CELSR1: variants seen among roughly 807,000 people sequenced by gnomAD.
The protein encoded by CELSR1 is adhesion G protein-coupled receptor C1.
Under a neutral mutation model 249.1 loss-of-function variants are expected in CELSR1, and 110 were observed. The ratio of observed to expected loss-of-function variants is 0.44; its 90% CI spans 0.38 to 0.52. The LOEUF (loss-of-function observed/expected upper bound fraction) is 0.52. CELSR1 is among the 20% of genes least tolerant of loss of function. The probability of loss-of-function intolerance (pLI) is 0.00; values close to 1 mark genes in which losing one functional copy is unlikely to be tolerated. For synonymous variants in CELSR1, 2,113 were observed against 1,900.0 expected (o/e 1.11, Z -2.92); for missense variants, 4,109 against 4,296.4 (o/e 0.96, Z 1.22).
At chr22:46,493,745 T>C (rs868524546) in intron 1 of CELSR1, among the ~76,000 whole-genome samples, 1 of 152,018 alleles carries the variant, frequency 6.6e-6, no homozygotes, top group Non-Finnish European at 1.5e-5. Flanking sequence ...GATCTGACGT[T>C]TTTATAGAGG....
chr22:46,460,412 A>AT (rs1257893024), intron 2 of CELSR1, among the ~76,000 whole-genome samples: 1 of 152,118 alleles, frequency 6.6e-6, no homozygotes, highest in African/African-American at 2.4e-5. Flanking sequence ...GCGGAAGCAG[A>AT]TTTTGAGGGA....
chr22:46,438,648 G>A (rs1036848329), intron 3 of CELSR1, among the ~76,000 whole-genome samples: 3 of 152,188 alleles, frequency 2.0e-5, no homozygotes, highest in Non-Finnish European at 4.4e-5. Flanking sequence ...TTAATTAAAC[G>A]TTATTGGAGG....
intron 1 of CELSR1, among the ~76,000 whole-genome samples, chr22:46,511,406 C>T (rs1020972488): frequency 6.6e-6 from 1 of 152,206 alleles, no homozygotes; most frequent in Non-Finnish European, 1.5e-5. Context: ...AAATCCCAAC[C>T]GGGACCAACA....
Position 46,431,776 on chromosome 22 carries a change from C to T in CELSR1, c.4611+1617G>A, listed in dbSNP as rs547432750. The stretch of plus-strand genomic sequence containing the variant: ...GACGGCACCGTATCAAGAAAAGACT[C>T]GGTCTTTGAAATGGACAATGGCAGC... On this transcript the variant is annotated intron_variant, in intron 5 of 34. Coordinates refer to ENST00000674500, the MANE Select transcript of CELSR1 (RefSeq NM_001378328.1). Among the ~76,000 whole-genome samples, 8 of 152,332 alleles carry T rather than the reference C, an allele frequency of 5.3e-5. No homozygotes were observed. The South Asian group carries it at 1.4e-3, about 28-fold the overall frequency.
chr22:46,462,591 G>C (rs1409402441), intron 2 of CELSR1, among the ~76,000 whole-genome samples: 2 of 150,648 alleles, frequency 1.3e-5, no homozygotes, highest in Non-Finnish European at 2.9e-5. Flanking sequence ...CGATGGAAGA[G>C]TCTCAAAGTT....
rs147149601 is a variant in CELSR1 at position 46,445,808 on chromosome 22, C to T, written c.4184-6397G>A. On this transcript the variant is annotated intron_variant, in intron 2 of 34. Transcript: ENST00000674500. The surrounding 1 kb of genome is among the most constrained non-coding windows in gnomAD (Gnocchi z 4.4). ...GGAGGTGGAAGCGTCCAGGACTCCC[C>T]GGGTGCTGTTCTCCCTGCTTGCAGG... is the stretch of plus-strand genomic sequence containing the variant. 7.4e-4 allele frequency among the ~76,000 whole-genome samples: 112 copies of T among 152,318 alleles called. 1 individual carries two copies. Among genetic ancestry groups the T allele is most frequent in the African/African-American group, 2.6e-3 (108 of 41,590 alleles).
rs1290478536 is a variant in CELSR1, at chr22:46,447,295, T to C, written c.4184-7884A>G. Among the ~76,000 whole-genome samples, 1 of 152,202 alleles carries C rather than the reference T, an allele frequency of 6.6e-6. No homozygotes were observed. The highest frequency in any genetic ancestry group is 1.9e-4 in the East Asian group (1 of 5,186). On this transcript the variant is annotated intron_variant, in intron 2 of 34. Coordinates refer to ENST00000674500, the MANE Select transcript of CELSR1 (RefSeq NM_001378328.1). The surrounding 1 kb of genome is among the most constrained non-coding windows in gnomAD (Gnocchi z 4.7). The stretch of plus-strand genomic sequence containing the variant: ...CTTTTATTTTCTAATAGAGCTTTTA[T>C]AAGACACACTATTTTCATAAAATAA...
rs1354361219 is a variant in CELSR1, at chr22:46,430,597, C to G, written c.4611+2796G>C. ...CCTCCCACCCTGAGCCTGTCGTCTT[C>G]CCCAAAACCTTCCCTGGTGGCCCAA... is the stretch of plus-strand genomic sequence containing the variant. On this transcript the variant is annotated intron_variant, in intron 5 of 34. Transcript: ENST00000674500. The surrounding 1 kb of genome is among the most constrained non-coding windows in gnomAD (Gnocchi z 4.6). Among the ~76,000 whole-genome samples, 2 of 152,148 alleles carry G rather than the reference C, an allele frequency of 1.3e-5. No homozygotes were observed. Among genetic ancestry groups the G allele is most frequent in the East Asian group, 3.9e-4 (2 of 5,176 alleles).
At chr22:46,372,269 CT>C in intron 25 of CELSR1, among the ~76,000 whole-genome samples, 1 of 138,988 alleles carries the variant, frequency 7.2e-6, no homozygotes, top group African/African-American at 3.2e-5. Flanking sequence ...TCCATCCATC[CT>C]CACTCAACCC....
chr22:46,393,365 G>T lies in CELSR1; in HGVS notation c.5964+777C>A, dbSNP rs1234399654. Among the ~76,000 whole-genome samples the T allele has an allele frequency of 6.6e-6, 1 of 152,252 alleles. No homozygotes were observed. Among genetic ancestry groups the T allele is most frequent in the Non-Finnish European group, 1.5e-5 (1 of 68,036 alleles). ...ATGCAGGTTAGGACTGACCGCCCTG[G>T]ACAGGCGTGGGGCATAACGCACTTA... On this transcript the variant is annotated intron_variant, in intron 14 of 34. Transcript: ENST00000674500. This position sits in a 1 kb window ranked among gnomAD's most constrained non-coding sequence, Gnocchi z 4.1.
chr22:46,375,651 C>T (rs2078911356), intron 24 of CELSR1, among the ~76,000 whole-genome samples: 1 of 149,952 alleles, frequency 6.7e-6, no homozygotes, highest in Admixed American at 6.7e-5. Context: ...TCAAGCGATT[C>T]TCATGTTTCA....
intron 1 of CELSR1, among the ~76,000 whole-genome samples, chr22:46,516,297 G>A (rs1312233115): frequency 6.6e-6 from 1 of 152,124 alleles, no homozygotes; most frequent in Admixed American, 6.5e-5. Context: ...ATGAGTTCAT[G>A]TCCTTTGTAA....
In CELSR1 at chr22:46,407,149, T is replaced by A. The variant is rs373231297; in HGVS notation, c.5226+1847A>T. Among the ~76,000 whole-genome samples, 1 of 152,174 alleles carries A rather than the reference T, an allele frequency of 6.6e-6. No individual in the cohort carries two copies. Among genetic ancestry groups the A allele is most frequent in the East Asian group, 1.9e-4 (1 of 5,172 alleles). ...GCCCCAGGCTCACTCTGGTTGGAGA[T>A]AATGAACAACCAGAAGGAAGTCAGT... On this transcript the variant is annotated intron_variant, in intron 9 of 34. Coordinates refer to ENST00000674500, the MANE Select transcript of CELSR1 (RefSeq NM_001378328.1). This position sits in a 1 kb window ranked among gnomAD's most constrained non-coding sequence, Gnocchi z 4.8.
At chr22:46,514,040 G>A (rs952850953) in intron 1 of CELSR1, among the ~76,000 whole-genome samples, 4 of 152,100 alleles carry the variant, frequency 2.6e-5, no homozygotes, top group South Asian at 2.1e-4. Flanking sequence ...TGATCCACCC[G>A]CCTCACCCTC....
In CELSR1 at chr22:46,397,835, C is replaced by T. The variant is rs781539769; in HGVS notation, c.5540G>A (p.Gly1847Glu). 6.3e-7 allele frequency: 1 copy of T among 1,576,234 alleles called. No homozygotes were observed. The highest frequency in any genetic ancestry group is 8.6e-7 in the Non-Finnish European group (1 of 1,159,198). The change falls in exon 12 of 35, where the codon GGG becomes GAG. Residue 1847 changes from glycine (G) to glutamate (E), a missense_variant. Around this residue, in one of 7 missense-constraint regions of CELSR1, gnomAD observed 1,805 missense variants for 1,831.6 expected, o/e 0.99. Coordinates refer to ENST00000674500, the MANE Select transcript of CELSR1 (RefSeq NM_001378328.1). ...FRGCMQGVRM[G>E]GTPTNVATLN... ...GGTGGCGACGTTGGTGGGCGTCCCC[C>T]CCATCCTCACTCCCTGCATTAAGTA... is the stretch of plus-strand genomic sequence containing the variant.
rs1048686725 is a variant in CELSR1, at chr22:46,391,004, G to C, written c.6250+182C>G. Among the ~76,000 whole-genome samples, 7 of 152,348 alleles carry C rather than the reference G, an allele frequency of 4.6e-5. No homozygotes were observed. Among genetic ancestry groups the C allele is most frequent in the African/African-American group, 1.7e-4 (7 of 41,576 alleles). On this transcript the variant is annotated intron_variant, in intron 16 of 34. Coordinates refer to ENST00000674500, the MANE Select transcript of CELSR1 (RefSeq NM_001378328.1). The surrounding 1 kb of genome is among the most constrained non-coding windows in gnomAD (Gnocchi z 4.3). ...CACGCGCTGCACTGTTCATGTTTCT[G>C]TTGCGCCCTCTGCCTGCTTTGTGTA...
intron 19 of CELSR1, among the ~76,000 whole-genome samples, chr22:46,385,002 G>T (rs1291164903): frequency 6.6e-6 from 1 of 152,026 alleles, no homozygotes; most frequent in Non-Finnish European, 1.5e-5. Context: ...ATGTCGGCCA[G>T]GCTGGTCTCA....
chr22:46,445,748 C>T lies in CELSR1; in HGVS notation c.4184-6337G>A, dbSNP rs1207074277. On this transcript the variant is annotated intron_variant, in intron 2 of 34. Coordinates refer to ENST00000674500, the MANE Select transcript of CELSR1 (RefSeq NM_001378328.1). The surrounding 1 kb of genome is among the most constrained non-coding windows in gnomAD (Gnocchi z 4.4). ...AAACCCGGTGCCCCGAGAGCAGCAGCGCCTGGCTGGCAGAGCCTTTCCCGT... is the reference window on the plus strand; with the variant it reads ...AAACCCGGTGCCCCGAGAGCAGCAGTGCCTGGCTGGCAGAGCCTTTCCCGT... Among the ~76,000 whole-genome samples, 1 of 152,326 alleles carries T rather than the reference C, an allele frequency of 6.6e-6. No individual in the cohort carries two copies. Among genetic ancestry groups the T allele is most frequent in the East Asian group, 1.9e-4 (1 of 5,172 alleles).
chr22:46,421,253 G>A (rs917174144), intron 5 of CELSR1, among the ~76,000 whole-genome samples: 1 of 152,114 alleles, frequency 6.6e-6, no homozygotes, highest in African/African-American at 2.4e-5. Context: ...AGGGGAGGGA[G>A]GCAGCCGTGG....
Sources: gnomAD v4.1 joint callset for allele counts (sites outside exome capture counted in the v4.1 genomes callset) on GRCh38, gnomAD v4.1.1 for gene constraint, gnomAD v4.1.1 regional missense constraint, Gnocchi (gnomAD v3.1) non-coding constraint, MANE v1.5 for transcripts, NCBI Gene and HGNC (gene_info 2026-07-23, HGNC 2026-07-21) for gene names.